Variants in ZC3H18 observed in about 807,000 individuals in gnomAD.
The protein encoded by ZC3H18 is zinc finger CCCH-type containing 18.
ZC3H18 carries 8 observed loss-of-function variants against 106.1 expected under a neutral mutation model. The observed-to-expected ratio is 0.08, with a 90% CI of 0.04 to 0.14. ZC3H18 has a LOEUF of 0.14. ZC3H18 is among the 10% of genes least tolerant of loss of function. The pLI is 1.00. For missense variants in ZC3H18, 1,318 were observed against 1,278.4 expected (o/e 1.03, Z -0.47); for synonymous variants, 635 against 522.1 (o/e 1.22, Z -2.95).
chr16:88,577,657 A>T lies in ZC3H18; in HGVS notation c.534A>T (p.Glu178Asp), dbSNP rs577924772. The change falls in exon 2 of 18, where the codon GAA (glutamate) becomes GAT (aspartate). Residue 178 changes from glutamate (E) to aspartate (D), a missense_variant. Glu to Asp is a conservative substitution (Grantham distance 45, BLOSUM62 2). Coordinates refer to ENST00000301011, the MANE Select transcript of ZC3H18 (RefSeq NM_144604.4). The stretch of plus-strand genomic sequence containing the variant: ...GTGTTCAGAGTGTGGGAGAAAAGGA[A>T]TCCCTGGAGGCTGCCAAGGAGAAAA... ...KAGVQSVGEK[E>D]SLEAAKEKKK... 7 of 1,613,824 alleles carry T rather than the reference A, an allele frequency of 4.3e-6. No homozygotes were observed. The South Asian group carries it at 7.7e-5, about 18-fold the overall frequency.
At chr16:88,587,817 G>A (rs980881362) in intron 3 of ZC3H18, among the ~76,000 whole-genome samples, 5 of 152,172 alleles carry the variant, frequency 3.3e-5, no homozygotes. Flanking sequence ...ACACCCTTGG[G>A]GTGTGGCGGA....
intron 8 of ZC3H18, among the ~76,000 whole-genome samples, chr16:88,618,625 T>C (rs1407536857): frequency 6.6e-6 from 1 of 152,030 alleles, no homozygotes; most frequent in African/African-American, 2.4e-5. Context: ...CTCGGGCCCT[T>C]GGTTTTGTCT....
chr16:88,572,011 A>G (rs922749787), intron 1 of ZC3H18, among the ~76,000 whole-genome samples: 3 of 152,238 alleles, frequency 2.0e-5, no homozygotes, highest in Admixed American at 6.5e-5. Flanking sequence ...ATGTAGTCAT[A>G]TGGGAAAATC....
chr16:88,577,019 G>A lies in ZC3H18; in HGVS notation c.-14-91G>A, dbSNP rs1174333552. On this transcript the variant is annotated intron_variant, in intron 1 of 17. Transcript: ENST00000301011. The stretch of plus-strand genomic sequence containing the variant: ...AGGGCCGTGTGGGACCAAGCAGGAT[G>A]GAAGTCCTGCTGCTTCAGGCCAGGA... The A allele has an allele frequency of 3.0e-6, 4 of 1,351,844 alleles. No individual in the cohort carries two copies. The African/African-American group carries it at 5.9e-5, about 20-fold the overall frequency. 83.7% of individuals were successfully genotyped at this position (1,351,844 alleles called of 1,614,324 possible). A position where few individuals can be genotyped will look rare whatever the true frequency, so the allele number is the denominator to read the frequency against.
chr16:88,579,408 A>T (rs1036854897), intron 2 of ZC3H18, among the ~76,000 whole-genome samples: 7 of 152,146 alleles, frequency 4.6e-5, no homozygotes, highest in Admixed American at 6.5e-5. Flanking sequence ...GGCGTGCTCT[A>T]GTTCCTCTTA....
chr16:88,630,161 T>G, intron 16 of ZC3H18: 1 of 294,046 alleles, frequency 3.4e-6, no homozygotes, highest in Admixed American at 4.8e-5. Flanking sequence ...TTTACTGCCA[T>G]GTCTTTCTTG....
chr16:88,574,912 C>T (rs962160359), intron 1 of ZC3H18, among the ~76,000 whole-genome samples: 3 of 150,576 alleles, frequency 2.0e-5, no homozygotes, highest in Non-Finnish European at 4.5e-5. Context: ...TCACTCCAAG[C>T]CCCGCCCCCT....
chr16:88,577,185 A>G lies in ZC3H18; in HGVS notation c.62A>G (p.Gln21Arg), dbSNP rs1390138875. ...TCTCCAGAGGATGAAGAGCAGCCAC[A>G]GGGACTCTCGGACGATGACATTCTG... ...PHSPEDEEQP[Q>R]GLSDDDILRD... The change falls in exon 2 of 18, where the codon CAG becomes CGG. Residue 21 changes from glutamine (Q) to arginine (R), a missense_variant. Transcript: ENST00000301011. 4 of 1,608,758 alleles carry G rather than the reference A, an allele frequency of 2.5e-6. No homozygotes were observed. The African/African-American group carries it at 5.3e-5, about 22-fold the overall frequency.
At chr16:88,580,726 G>A (rs987178977) in intron 2 of ZC3H18, among the ~76,000 whole-genome samples, 3 of 152,138 alleles carry the variant, frequency 2.0e-5, no homozygotes, top group South Asian at 2.1e-4. Flanking sequence ...CCTGGGGTGC[G>A]CCGGGTCCGT....
chr16:88,615,970 C>A (rs906530040), intron 8 of ZC3H18, among the ~76,000 whole-genome samples: 2 of 152,208 alleles, frequency 1.3e-5, no homozygotes, highest in African/African-American at 4.8e-5. Context: ...ACTTTAGTGA[C>A]CCGCGGAATG....
At chr16:88,585,961 C>T (rs756446797) in intron 2 of ZC3H18, among the ~76,000 whole-genome samples, 24 of 152,068 alleles carry the variant, frequency 1.6e-4, no homozygotes, top group Non-Finnish European at 2.9e-4. Flanking sequence ...GGAGGGGTCT[C>T]AGCTGCACGT....
chr16:88,593,131 T>G (rs150180086), intron 3 of ZC3H18, among the ~76,000 whole-genome samples: 1 of 152,296 alleles, frequency 6.6e-6, no homozygotes, highest in African/African-American at 2.4e-5. Flanking sequence ...ACTCAGCCAC[T>G]CAGCCATCTG....
intron 3 of ZC3H18, 37 bp from the exon 4 acceptor site, chr16:88,598,141 T>C: frequency 1.5e-6 from 2 of 1,332,858 alleles, no homozygotes; most frequent in Non-Finnish European, 2.0e-6. Flanking sequence ...AATTAGGCTC[T>C]TGTGGACCCT....
At chr16:88,586,799 T>G (rs1915464860) in intron 3 of ZC3H18, 115 bp downstream of exon 3, 1 of 750,626 alleles carries the variant, frequency 1.3e-6, no homozygotes, top group Middle Eastern at 3.0e-4. Flanking sequence ...CTCTGGGCAT[T>G]ACTGGCTAGG....
At chr16:88,574,394 A>G (rs561265941) in intron 1 of ZC3H18, among the ~76,000 whole-genome samples, 2 of 151,608 alleles carry the variant, frequency 1.3e-5, no homozygotes, top group South Asian at 4.2e-4. Context: ...ATTTTAGTAG[A>G]GACCGGGTTT....
Position 88,577,155 on chromosome 16 carries a change from C to A in ZC3H18, c.32C>A (p.Pro11His). The change falls in exon 2 of 18, where the codon CCT becomes CAT. Residue 11 changes from proline to histidine, a missense_variant. Around this residue, in one of 6 missense-constraint regions of ZC3H18, gnomAD observed 346 missense variants for 269.0 expected, o/e 1.29. Transcript: ENST00000301011. MDVAESPERD[P>H]HSPEDEEQPQ... ...GTGGCCGAGAGCCCTGAACGGGATC[C>A]TCACTCTCCAGAGGATGAAGAGCAG... 8.8e-6 allele frequency: 14 copies of A among 1,582,396 alleles called. No individual in the cohort carries two copies. Among genetic ancestry groups the A allele is most frequent in the Non-Finnish European group, 1.1e-5 (13 of 1,162,122 alleles).
chr16:88,593,350 T>A (rs1292857886), intron 3 of ZC3H18, among the ~76,000 whole-genome samples: 1 of 152,224 alleles, frequency 6.6e-6, no homozygotes, highest in Non-Finnish European at 1.5e-5. Context: ...GCAGTTAGCG[T>A]CGTGGACAGC....
intron 8 of ZC3H18, among the ~76,000 whole-genome samples, chr16:88,619,383 A>G (rs1161481969): frequency 6.6e-6 from 1 of 152,212 alleles, no homozygotes; most frequent in Non-Finnish European, 1.5e-5. Context: ...TCCTTGCTCC[A>G]TGGGCCTGGA....
intron 11 of ZC3H18, 45 bp downstream of exon 11, chr16:88,624,107 A>C (rs781191841): frequency 4.4e-6 from 7 of 1,602,252 alleles, no homozygotes; most frequent in Non-Finnish European, 6.0e-6. Context: ...CCAGGCCTCC[A>C]CAGGCTGCAG....
Sources: gnomAD v4.1 joint callset for allele counts (sites outside exome capture counted in the v4.1 genomes callset) on GRCh38, gnomAD v4.1.1 for gene constraint, gnomAD v4.1.1 regional missense constraint, MANE v1.5 for transcripts, NCBI Gene and HGNC (gene_info 2026-07-23, HGNC 2026-07-21) for gene names.